The following MARCHF3 variants were observed in gnomAD, a reference collection of about 807,000 sequenced individuals.
MARCHF3 encodes E3 ubiquitin-protein ligase MARCHF3.
MARCHF3 carries 13 observed loss-of-function variants against 24.2 expected under a neutral mutation model. The observed-to-expected ratio is 0.54, with a 90% CI of 0.35 to 0.85. The LOEUF is 0.85. Among genes scored for constraint, MARCHF3 ranks in the 40% least tolerant of loss-of-function variants. The pLI is 0.01. For missense variants in MARCHF3, 276 were observed against 325.0 expected (o/e 0.85, Z 1.16); for synonymous variants, 144 against 137.3 (o/e 1.05, Z -0.34).
At chr5:126,934,976 G>C (rs1056053811) in intron 1 of MARCHF3, among the ~76,000 whole-genome samples, 1 of 152,144 alleles carries the variant, frequency 6.6e-6, no homozygotes, top group Non-Finnish European at 1.5e-5. Context: ...TAAAATGTCT[G>C]GTTATAGTTG....
chr5:126,884,940 T>C (rs1696715293), intron 3 of MARCHF3, among the ~76,000 whole-genome samples: 1 of 152,216 alleles, frequency 6.6e-6, no homozygotes, highest in Non-Finnish European at 1.5e-5. Flanking sequence ...GTCTACCTGG[T>C]ACTATAAGCC....
At chr5:126,940,624 T>G (rs185209670) in intron 1 of MARCHF3, among the ~76,000 whole-genome samples, 1 of 152,184 alleles carries the variant, frequency 6.6e-6, no homozygotes, top group East Asian at 1.9e-4. Flanking sequence ...ATTTTTGTAT[T>G]TTAGTAGAGA....
intron 1 of MARCHF3, among the ~76,000 whole-genome samples, chr5:127,008,880 A>AAATT (rs1218479595): frequency 2.7e-5 from 4 of 147,848 alleles, no homozygotes; most frequent in African/African-American, 1.0e-4. Flanking sequence ...CTCTTTAAAA[A>AAATT]ATTTATTTAT....
At chr5:126,954,375 A>ATT (rs764704624) in intron 1 of MARCHF3, among the ~76,000 whole-genome samples, 2,462 of 144,412 alleles carry the variant, frequency 0.017, 61 homozygotes, top group South Asian at 0.11. Context: ...TATGGATACA[A>ATT]TTTTTTTTTT....
At chr5:126,999,786 G>T (rs1386378476) in intron 1 of MARCHF3, among the ~76,000 whole-genome samples, 1 of 152,044 alleles carries the variant, frequency 6.6e-6, no homozygotes, top group Admixed American at 6.6e-5. Context: ...CATCAAATAA[G>T]ATACTGTCAT....
At chr5:126,938,165 C>CTTTTTTTTT (rs527628656) in intron 1 of MARCHF3, among the ~76,000 whole-genome samples, 1 of 122,916 alleles carries the variant, frequency 8.1e-6, no homozygotes, top group Non-Finnish European at 1.7e-5. Flanking sequence ...TGATCTGATT[C>CTTTTTTTTT]TTTTTTTTTT....
Position 126,869,459 on chromosome 5 carries a change from GAAAA to G in MARCHF3, c.*1170_*1173del, listed in dbSNP as rs1313072068. On this transcript the variant is annotated 3_prime_UTR_variant, in exon 5 of 5. Transcript: ENST00000308660. Reference sequence around the variant, plus strand: ...ATAAAAGAGGGACACGAAACCCTTAGAAAAAGTCTATTTCGGACTGTGACAGAAT... The same window carrying G: ...ATAAAAGAGGGACACGAAACCCTTAGAGTCTATTTCGGACTGTGACAGAAT... 8.5e-5 allele frequency: 13 copies of G among 152,106 alleles called. No homozygotes were observed. In the East Asian group the frequency reaches 1.9e-3, roughly 23 times the overall value. 9.4% of individuals were successfully genotyped at this position (152,106 alleles called of 1,614,324 possible). A position where few individuals can be genotyped will look rare whatever the true frequency, so the allele number is the denominator to read the frequency against.
intron 1 of MARCHF3, among the ~76,000 whole-genome samples, chr5:126,922,512 T>TTTTA (rs58540964): frequency 0.31 from 44,160 of 142,564 alleles, 6,950 homozygotes; most frequent in Admixed American, 0.38. Context: ...CATTTCTGTC[T>TTTTA]TTTATTTATT....
At chr5:127,005,010 T>C (rs1451244717) in intron 1 of MARCHF3, among the ~76,000 whole-genome samples, 1 of 152,136 alleles carries the variant, frequency 6.6e-6, no homozygotes, top group Non-Finnish European at 1.5e-5. Context: ...TGATTATTTG[T>C]TGAATACTAA....
At chr5:126,945,988 T>C (rs1426921486) in intron 1 of MARCHF3, among the ~76,000 whole-genome samples, 1 of 152,144 alleles carries the variant, frequency 6.6e-6, no homozygotes, top group African/African-American at 2.4e-5. Context: ...GCCTTAAACA[T>C]TAGTCTTCTG....
intron 1 of MARCHF3, among the ~76,000 whole-genome samples, chr5:126,992,671 T>G (rs934973554): frequency 4.6e-5 from 7 of 152,040 alleles, no homozygotes; most frequent in African/African-American, 1.7e-4. Flanking sequence ...GTCAGGGTGC[T>G]GATACGATTA....
intron 3 of MARCHF3, among the ~76,000 whole-genome samples, chr5:126,889,901 G>A (rs1208142359): frequency 6.6e-6 from 1 of 152,172 alleles, no homozygotes; most frequent in East Asian, 1.9e-4. Context: ...TGGAATGTGT[G>A]AGGCACTCCC....
At chr5:127,024,970 A>G (rs900363513) in intron 1 of MARCHF3, among the ~76,000 whole-genome samples, 2 of 152,234 alleles carry the variant, frequency 1.3e-5, no homozygotes, top group African/African-American at 4.8e-5. Flanking sequence ...TTTTTAATCA[A>G]ATTTTTAGAA....
intron 1 of MARCHF3, among the ~76,000 whole-genome samples, chr5:127,022,782 G>C (rs114646326): frequency 2.2e-4 from 33 of 152,274 alleles, no homozygotes; most frequent in Non-Finnish European, 3.5e-4. Context: ...TTCTATGTGG[G>C]CTTAAACATT....
intron 1 of MARCHF3, among the ~76,000 whole-genome samples, chr5:126,999,377 C>T (rs995747219): frequency 1.3e-5 from 2 of 152,206 alleles, no homozygotes; most frequent in African/African-American, 2.4e-5. Context: ...CCTGCACAGC[C>T]TGTCCCTTGG....
intron 1 of MARCHF3, among the ~76,000 whole-genome samples, chr5:126,958,735 C>A (rs1407758809): frequency 6.6e-6 from 1 of 151,964 alleles, no homozygotes; most frequent in East Asian, 1.9e-4. Flanking sequence ...TGATTCCTGG[C>A]ACACAGAGGA....
chr5:126,993,995 C>G (rs1751864708), intron 1 of MARCHF3, among the ~76,000 whole-genome samples: 1 of 152,146 alleles, frequency 6.6e-6, no homozygotes, highest in Non-Finnish European at 1.5e-5. Context: ...TGTCATTCTA[C>G]CTAGTAACCT....
intron 3 of MARCHF3, among the ~76,000 whole-genome samples, chr5:126,884,240 GAACAAA>G (rs1442118084): frequency 1.3e-5 from 2 of 152,138 alleles, no homozygotes; most frequent in Non-Finnish European, 2.9e-5. Flanking sequence ...ACAAAGCAGA[GAACAAA>G]AACAAACTCC....
intron 1 of MARCHF3, among the ~76,000 whole-genome samples, chr5:126,952,110 G>T (rs1233153442): frequency 2.0e-5 from 3 of 152,178 alleles, no homozygotes; most frequent in African/African-American, 7.2e-5. Context: ...GCCTCCCAAA[G>T]TGCTGGGACT....
Sources: allele counts gnomAD v4.1 joint callset (sites outside exome capture counted in the v4.1 genomes callset), GRCh38; gene constraint gnomAD v4.1.1; transcripts MANE v1.5; gene names NCBI Gene and HGNC (gene_info 2026-07-23, HGNC 2026-07-21).